The following TRAPPC9 variants were observed in gnomAD, a reference collection of about 807,000 sequenced individuals.
TRAPPC9 encodes the protein IKK2 binding protein.
A neutral mutation model predicts 124.0 loss-of-function variants in TRAPPC9; 83 were observed. The ratio of observed to expected loss-of-function variants is 0.67; its 90% CI spans 0.56 to 0.80. The LOEUF (loss-of-function observed/expected upper bound fraction) is 0.80. Among genes scored for constraint, TRAPPC9 ranks in the 30% least tolerant of loss-of-function variants. The pLI is 0.00. For synonymous variants in TRAPPC9, 638 were observed against 617.5 expected (o/e 1.03, Z -0.49); for missense variants, 1,302 against 1,508.3 (o/e 0.86, Z 2.27).
At chr8:140,136,404 G>A (rs2061304343) in intron 17 of TRAPPC9, among the ~76,000 whole-genome samples, 1 of 152,194 alleles carries the variant, frequency 6.6e-6, no homozygotes, top group African/African-American at 2.4e-5. Context: ...CCTGTTGTCT[G>A]AGTGCCATCT....
intron 6 of TRAPPC9, among the ~76,000 whole-genome samples, chr8:140,399,560 A>G (rs2069198024): frequency 6.6e-6 from 1 of 152,188 alleles, no homozygotes; most frequent in Non-Finnish European, 1.5e-5. Flanking sequence ...TCGGACTTAC[A>G]TGGGCCCTGT....
In TRAPPC9 at chr8:140,088,026, T is replaced by C. The variant is rs79807377; in HGVS notation, c.2557-63947A>G. ...TCTTTAGATGGCTATCTCTTTCTCA[T>C]GGTTCAGACCTCAGGACAAATGCTA... On this transcript the variant is annotated intron_variant, in intron 17 of 22. Transcript: ENST00000438773. Among the ~76,000 whole-genome samples the C allele has an allele frequency of 3.5e-3, 539 of 152,150 alleles. 6 individuals carry two copies. Among genetic ancestry groups the C allele is most frequent in the African/African-American group, 0.012 (512 of 41,484 alleles).
chr8:139,768,708 T>C (rs1820744201), intron 21 of TRAPPC9, among the ~76,000 whole-genome samples: 1 of 152,242 alleles, frequency 6.6e-6, no homozygotes, highest in Admixed American at 6.5e-5. Context: ...TCACTTTTAT[T>C]CTAATCTTTG....
chr8:140,209,004 A>C (rs781259219), intron 17 of TRAPPC9, among the ~76,000 whole-genome samples: 4 of 152,200 alleles, frequency 2.6e-5, no homozygotes, highest in Non-Finnish European at 4.4e-5. Context: ...CGTGTATACC[A>C]AGGGGAGACC....
intron 21 of TRAPPC9, among the ~76,000 whole-genome samples, chr8:139,764,727 AG>A (rs1239275590): frequency 2.6e-5 from 4 of 152,106 alleles, no homozygotes; most frequent in Middle Eastern, 3.2e-3. Context: ...GGGCATGTGT[AG>A]GAAGACAGCT....
At chr8:140,246,540 T>C (rs2063991291) in intron 16 of TRAPPC9, among the ~76,000 whole-genome samples, 1 of 152,220 alleles carries the variant, frequency 6.6e-6, no homozygotes, top group South Asian at 2.1e-4. Flanking sequence ...CTGTCTTCCA[T>C]ATGAGAACCC....
intron 17 of TRAPPC9, among the ~76,000 whole-genome samples, chr8:140,091,332 C>T (rs916722660): frequency 6.6e-6 from 1 of 152,172 alleles, no homozygotes; most frequent in Non-Finnish European, 1.5e-5. Flanking sequence ...ACCTGGCTCA[C>T]ACTAAATGCT....
At chr8:140,377,370 C>T (rs899658896) in intron 7 of TRAPPC9, among the ~76,000 whole-genome samples, 1 of 152,092 alleles carries the variant, frequency 6.6e-6, no homozygotes, top group Non-Finnish European at 1.5e-5. Flanking sequence ...GTAATCTCGG[C>T]TTACTGCAAC....
chr8:139,863,220 C>T (rs927821419), intron 21 of TRAPPC9, among the ~76,000 whole-genome samples: 1 of 152,244 alleles, frequency 6.6e-6, no homozygotes, highest in Non-Finnish European at 1.5e-5. Flanking sequence ...AGCATGGTGC[C>T]TGATGCACTA....
intron 19 of TRAPPC9, among the ~76,000 whole-genome samples, chr8:139,953,696 A>G (rs574568971): frequency 2.0e-5 from 3 of 152,346 alleles, no homozygotes; most frequent in South Asian, 4.1e-4. Context: ...GACGATCTCA[A>G]AATGCAAGAG....
At chr8:140,434,926 C>G (rs548238274) in intron 4 of TRAPPC9, among the ~76,000 whole-genome samples, 186 bp downstream of exon 4, 1 of 151,310 alleles carries the variant, frequency 6.6e-6, no homozygotes, top group Admixed American at 6.6e-5. Flanking sequence ...GCCGAGATTG[C>G]GCCACTGCAC....
At chr8:140,274,463 G>A (rs566428357) in intron 15 of TRAPPC9, among the ~76,000 whole-genome samples, 8 of 152,298 alleles carry the variant, frequency 5.3e-5, no homozygotes, top group African/African-American at 1.4e-4. Flanking sequence ...GGGCAGACAC[G>A]GACCGGGAGA....
chr8:140,208,655 C>T (rs367659454), intron 17 of TRAPPC9, among the ~76,000 whole-genome samples: 25 of 152,350 alleles, frequency 1.6e-4, no homozygotes, highest in African/African-American at 4.8e-4. Context: ...CCTCATCCAA[C>T]GTTTAATGAC....
In TRAPPC9 at chr8:140,213,070, C is replaced by CAA. The variant is rs71520260; in HGVS notation, c.2556+8387_2556+8388dup. ...CTGGTGACAGAGCAAGACTCTGTCT[C>CAA]AAAAAAAAAAAAAAGTTTTTTTGTT... On this transcript the variant is annotated intron_variant, in intron 17 of 22. Transcript: ENST00000438773. 8.1e-3 allele frequency among the ~76,000 whole-genome samples: 950 copies of CAA among 117,884 alleles called. 13 individuals are homozygous for CAA. The highest frequency in any genetic ancestry group is 0.023 in the African/African-American group (829 of 36,388). The allele number at this position is 117,884 out of a possible 152,430, so 77.3% of individuals were successfully genotyped here.
intron 7 of TRAPPC9, among the ~76,000 whole-genome samples, chr8:140,375,844 G>C (rs1231701658): frequency 6.6e-6 from 1 of 152,140 alleles, no homozygotes; most frequent in African/African-American, 2.4e-5. Context: ...AGATGTGTAG[G>C]GGCAGCCTGG....
chr8:140,078,783 A>G (rs2129959396), intron 17 of TRAPPC9, among the ~76,000 whole-genome samples: 1 of 152,254 alleles, frequency 6.6e-6, no homozygotes, highest in African/African-American at 2.4e-5. Flanking sequence ...ACACCAGGTC[A>G]GCCACCTCCC....
At chr8:139,893,532 G>A (rs1027620666) in intron 20 of TRAPPC9, among the ~76,000 whole-genome samples, 1 of 152,264 alleles carries the variant, frequency 6.6e-6, no homozygotes, top group Admixed American at 6.5e-5. Context: ...TTTCTTTGAA[G>A]CTCTCATGTC....
At chr8:140,056,352 G>A (rs936300436) in intron 17 of TRAPPC9, among the ~76,000 whole-genome samples, 25 of 151,926 alleles carry the variant, frequency 1.6e-4, no homozygotes, top group African/African-American at 5.8e-4. Flanking sequence ...TGAGGATGCA[G>A]TGAGCTATGA....
At chr8:139,798,733 G>A (rs891191169) in intron 21 of TRAPPC9, among the ~76,000 whole-genome samples, 2 of 152,160 alleles carry the variant, frequency 1.3e-5, no homozygotes, top group Non-Finnish European at 2.9e-5. Flanking sequence ...GTTTATCTGG[G>A]AACACATAAC....
Sources: allele counts gnomAD v4.1 joint callset (sites outside exome capture counted in the v4.1 genomes callset), GRCh38; gene constraint gnomAD v4.1.1; transcripts MANE v1.5; gene names NCBI Gene and HGNC (gene_info 2026-07-23, HGNC 2026-07-21).